The following DYNAP variants were observed in gnomAD, a reference collection of about 807,000 sequenced individuals.
DYNAP encodes dynactin associated protein.
DYNAP carries 7 observed loss-of-function variants against 8.5 expected under a neutral mutation model. The ratio of observed to expected loss-of-function variants is 0.82; its 90% CI spans 0.47 to 1.54. The LOEUF (loss-of-function observed/expected upper bound fraction) is 1.54, where lower values mean the gene tolerates loss of function less well. Among genes scored for constraint, DYNAP ranks in the 40% most tolerant of loss-of-function variants. The pLI, the probability that DYNAP is intolerant of heterozygous loss-of-function variation, is 0.01. For missense variants in DYNAP, 256 were observed against 224.3 expected (o/e 1.14, Z -0.90); for synonymous variants, 77 against 77.9 (o/e 0.99, Z 0.06).
In DYNAP at chr18:54,597,996, C is replaced by A; in HGVS notation, c.406C>A (p.Pro136Thr). The A allele has an allele frequency of 6.2e-7, 1 of 1,613,450 alleles. No individual in the cohort carries two copies. Among genetic ancestry groups the A allele is most frequent in the Non-Finnish European group, 8.5e-7 (1 of 1,179,752 alleles). Reference protein sequence around the residue: ...TNDGECVTVKPGTPSPACPPT... With the variant: ...TNDGECVTVKTGTPSPACPPT... ...TGATGGAGAGTGTGTGACTGTCAAA[C>A]CTGGAACACCCTCTCCTGCTTGTCC... Residue 136 changes from proline to threonine, a missense_variant, in exon 3 of 3, where the codon CCT becomes ACT. Transcript: ENST00000648945.
At chr18:54,584,688 C>T (rs1177916524), upstream of DYNAP, among the ~76,000 whole-genome samples, 1 of 152,124 alleles carries the variant, frequency 6.6e-6, no homozygotes, top group Non-Finnish European at 1.5e-5. Context: ...GAGAGAAGGG[C>T]AGGAGGGAAC....
In DYNAP at chr18:54,595,053, G is replaced by A. The variant is rs1290687696; in HGVS notation, c.172G>A (p.Gly58Arg). The change falls in exon 2 of 3, where the codon GGA (glycine) becomes AGA (arginine). Residue 58 changes from glycine to arginine, a missense_variant. Physicochemically the swap from Gly to Arg is moderately radical, Grantham distance 125. Coordinates refer to ENST00000648945, the MANE Select transcript of DYNAP (RefSeq NM_173629.3). ...PNLTGVCVNP[G>R]ILAHSRCLQS... is the part of the protein sequence containing the mutation. ...CTTAACTGGGGTCTGCGTGAACCCAGGAATCCTTGCACATTCAAGATGTCT... is the reference window on the plus strand; with the variant it reads ...CTTAACTGGGGTCTGCGTGAACCCAAGAATCCTTGCACATTCAAGATGTCT... 1 of 1,612,634 alleles carries A rather than the reference G, an allele frequency of 6.2e-7. No individual in the cohort carries two copies. The highest frequency in any genetic ancestry group is 8.5e-7 in the Non-Finnish European group (1 of 1,179,064).
chr18:54,598,345 C>G lies in DYNAP; in HGVS notation c.*200C>G. On this transcript the variant is annotated 3_prime_UTR_variant, in exon 3 of 3. Coordinates refer to ENST00000648945, the MANE Select transcript of DYNAP (RefSeq NM_173629.3). ...CTTACTTGACAACTCAAATAATCAC[C>G]ACTTCGACCATCTCTTTGACTGAAT... 1.8e-6 allele frequency: 1 copy of G among 562,934 alleles called. No individual in the cohort carries two copies. Among genetic ancestry groups the G allele is most frequent in the Non-Finnish European group, 3.1e-6 (1 of 324,384 alleles). 34.9% of individuals were successfully genotyped at this position (562,934 alleles called of 1,614,324 possible).
At position 54,597,898 on chromosome 18, in the gene DYNAP, G is replaced by C. The variant is rs781254802; in HGVS notation, c.308G>C (p.Gly103Ala). ...GCCTGTGTGATAATGACAGCAATTG[G>C]AGTACTTATAATATGCTTGGTGAAT... ...LLACVIMTAI[G>A]VLIICLVNNK... Residue 103 changes from glycine to alanine, a missense_variant, in exon 3 of 3, where the codon GGA becomes GCA. By Grantham distance (60) the Gly-to-Ala change is moderately conservative. Coordinates refer to ENST00000648945, the MANE Select transcript of DYNAP (RefSeq NM_173629.3). 8.1e-6 allele frequency: 13 copies of C among 1,613,434 alleles called. No individual in the cohort carries two copies. In the South Asian group the frequency reaches 1.1e-4, roughly 14 times the overall value.
chr18:54,597,398 T>C (rs1265228419), intron 2 of DYNAP, among the ~76,000 whole-genome samples: 2 of 152,082 alleles, frequency 1.3e-5, no homozygotes, highest in African/African-American at 4.8e-5. Flanking sequence ...GATAATGGTA[T>C]ATCATTGTAG....
In DYNAP at chr18:54,592,037, A is replaced by G. The variant is rs969880878; in HGVS notation, c.57+698A>G. ...AGCAGAATGAATGAAACATGTGTGA[A>G]GAAATAGCTTGCTTTTGTCATATGG... On this transcript the variant is annotated intron_variant, in intron 1 of 2. Transcript: ENST00000648945. Among the ~76,000 whole-genome samples, 9 of 152,184 alleles carry G rather than the reference A, an allele frequency of 5.9e-5. 1 individual carries two copies. The highest frequency in any genetic ancestry group is 1.3e-4 in the Non-Finnish European group (9 of 68,026).
rs1911240944 is a variant in DYNAP, at chr18:54,595,209, T to C, written c.222+106T>C. 5 of 1,270,378 alleles carry C rather than the reference T, an allele frequency of 3.9e-6. No homozygotes were observed. In the South Asian group the frequency reaches 7.3e-5, roughly 19 times the overall value. The allele number at this position is 1,270,378 out of a possible 1,614,324, so 78.7% of individuals were successfully genotyped here. A position where few individuals can be genotyped will look rare whatever the true frequency, so the allele number is the denominator to read the frequency against. On this transcript the variant is annotated intron_variant, in intron 2 of 2. Coordinates refer to ENST00000648945, the MANE Select transcript of DYNAP (RefSeq NM_173629.3). ...AATGTACTTAATTACTTAATTCATTTATATTTGTATTAAGCATTTGCTGTA... is the reference window on the plus strand; with the variant it reads ...AATGTACTTAATTACTTAATTCATTCATATTTGTATTAAGCATTTGCTGTA...
chr18:54,576,801 CCAACAACAACAACAACAA>C, the DYNAP span, among the ~76,000 whole-genome samples: 3 of 149,572 alleles, frequency 2.0e-5, no homozygotes, highest in Non-Finnish European at 4.4e-5. Context: ...AGATCTTATC[CCAACAACAACAACAACAA>C]CAACAACAAC....
intron 1 of DYNAP, 46 bp from the exon 2 acceptor site, chr18:54,594,893 C>T (rs1568241887): frequency 6.4e-7 from 1 of 1,565,882 alleles, no homozygotes. Context: ...CAACTCAACA[C>T]CATGGTTTCC....
chr18:54,582,399 G>A, the DYNAP span, among the ~76,000 whole-genome samples: 1 of 151,040 alleles, frequency 6.6e-6, no homozygotes, highest in Non-Finnish European at 1.5e-5. Flanking sequence ...TGTAATTTCT[G>A]TTATAAGTCA....
At chr18:54,594,824 A>G in intron 1 of DYNAP, 115 bp from the exon 2 acceptor site, 1 of 1,174,842 alleles carries the variant, frequency 8.5e-7, no homozygotes, top group Non-Finnish European at 1.2e-6. Flanking sequence ...ATAAGAAAAC[A>G]TTTATTCCTT....
upstream of DYNAP, among the ~76,000 whole-genome samples, chr18:54,585,372 T>C (rs1265748945): frequency 6.6e-6 from 1 of 152,144 alleles, no homozygotes; most frequent in Non-Finnish European, 1.5e-5. Context: ...TGACATTTCT[T>C]TCCTCTTTGC....
the DYNAP span, among the ~76,000 whole-genome samples, chr18:54,581,801 A>G: frequency 6.6e-6 from 1 of 152,230 alleles, no homozygotes; most frequent in Non-Finnish European, 1.5e-5. Flanking sequence ...GCAAAAATTG[A>G]AAAAATATAT....
intron 2 of DYNAP, 71 bp from the exon 3 acceptor site, chr18:54,597,742 T>C (rs1218893876): frequency 1.9e-5 from 27 of 1,455,284 alleles, no homozygotes; most frequent in Non-Finnish European, 2.4e-5. Context: ...AAGTTATAAG[T>C]AATATAAAAG....
the DYNAP span, among the ~76,000 whole-genome samples, chr18:54,581,452 A>G: frequency 1.3e-5 from 2 of 152,206 alleles, no homozygotes; most frequent in African/African-American, 4.8e-5. Flanking sequence ...CTGTACTATA[A>G]CCAGCAGGAG....
chr18:54,581,725 A>G, the DYNAP span, among the ~76,000 whole-genome samples: 1 of 152,228 alleles, frequency 6.6e-6, no homozygotes, highest in Non-Finnish European at 1.5e-5. Flanking sequence ...ATATATAAAT[A>G]CTGTCAGGTA....
chr18:54,597,065 T>C (rs916292733), intron 2 of DYNAP, among the ~76,000 whole-genome samples: 1 of 152,146 alleles, frequency 6.6e-6, no homozygotes, highest in Non-Finnish European at 1.5e-5. Context: ...ATCCAGGTAA[T>C]AGTGAAATAA....
At chr18:54,583,886 GATA>G (rs1037558290), upstream of DYNAP, among the ~76,000 whole-genome samples, 4 of 152,040 alleles carry the variant, frequency 2.6e-5, no homozygotes, top group African/African-American at 7.2e-5. Flanking sequence ...TTGGAATACA[GATA>G]ATAATACCTT....
At chr18:54,580,597 A>G in the DYNAP span, among the ~76,000 whole-genome samples, 2 of 152,228 alleles carry the variant, frequency 1.3e-5, no homozygotes, top group African/African-American at 2.4e-5. Flanking sequence ...AGAAATTACA[A>G]TGTGGTGGCC....
Sources: allele counts gnomAD v4.1 joint callset (sites outside exome capture counted in the v4.1 genomes callset), GRCh38; gene constraint gnomAD v4.1.1; transcripts MANE v1.5; gene names NCBI Gene and HGNC (gene_info 2026-07-23, HGNC 2026-07-21).